The following ACSL3 variants were observed in gnomAD, a reference collection of about 807,000 sequenced individuals.
ACSL3 encodes the protein acyl-CoA synthetase long chain family member 3.
ACSL3 carries 34 observed loss-of-function variants against 84.7 expected under a neutral mutation model. That is an observed-to-expected ratio of 0.40 (90% CI 0.31 to 0.53). The LOEUF (loss-of-function observed/expected upper bound fraction) is 0.53, where lower values mean the gene tolerates loss of function less well. ACSL3 is among the 20% of genes least tolerant of loss of function. The pLI is 0.48. For missense variants in ACSL3, 680 were observed against 873.1 expected (o/e 0.78, Z 2.79); for synonymous variants, 315 against 299.4 (o/e 1.05, Z -0.54).
Position 222,930,640 on chromosome 2 carries a change from T to A in ACSL3, c.1560T>A (p.Asp520Glu). 1.2e-6 allele frequency: 2 copies of A among 1,612,982 alleles called. No individual in the cohort carries two copies. Among genetic ancestry groups the A allele is most frequent in the Non-Finnish European group, 1.7e-6 (2 of 1,179,460 alleles). Reference sequence around the variant, plus strand: ...TATTAGGTGGATACTTTAATACTGATAAGCCACACCCCAGGGGTGAAATTC... The same window carrying A: ...TATTAGGTGGATACTTTAATACTGAAAAGCCACACCCCAGGGGTGAAATTC... The part of the protein sequence containing the change: ...NWEEGGYFNT[D>E]KPHPRGEILI... Residue 520 changes from aspartate to glutamate, a missense_variant, in exon 14 of 17, where the codon GAT (aspartate) becomes GAA (glutamate). Transcript: ENST00000357430.
intron 1 of ACSL3, among the ~76,000 whole-genome samples, chr2:222,885,650 TCCC>T (rs1156324275): frequency 2.0e-5 from 3 of 152,068 alleles, no homozygotes. Flanking sequence ...CTAAGTTATT[TCCC>T]CCCTGGATGA....
intron 7 of ACSL3, 75 bp from the exon 8 acceptor site, chr2:222,921,205 T>A: frequency 6.8e-7 from 1 of 1,471,108 alleles, no homozygotes; most frequent in South Asian, 1.2e-5. Context: ...ATTTATTTGA[T>A]GATAATGAAA....
chr2:222,886,255 T>G (rs1695719762), intron 1 of ACSL3, among the ~76,000 whole-genome samples: 1 of 152,026 alleles, frequency 6.6e-6, no homozygotes, highest in Non-Finnish European at 1.5e-5. Flanking sequence ...GGCCCAAGTG[T>G]ATGATGTTCC....
At chr2:222,902,463 A>T (rs1167845862) in intron 3 of ACSL3, among the ~76,000 whole-genome samples, 1 of 152,202 alleles carries the variant, frequency 6.6e-6, no homozygotes, top group Non-Finnish European at 1.5e-5. Context: ...CATACCATTC[A>T]CACCATTACC....
intron 16 of ACSL3, among the ~76,000 whole-genome samples, chr2:222,938,224 G>A (rs1223608259): frequency 6.6e-6 from 1 of 152,012 alleles, no homozygotes; most frequent in South Asian, 2.1e-4. Context: ...TCAGAATTCT[G>A]TATTTGCCTA....
At chr2:222,893,488 A>G (rs1240417941) in intron 2 of ACSL3, among the ~76,000 whole-genome samples, 1 of 152,028 alleles carries the variant, frequency 6.6e-6, no homozygotes, top group African/African-American at 2.4e-5. Context: ...CAGGTCTGCC[A>G]ATTTTGGGTT....
At chr2:222,919,292 C>A in intron 7 of ACSL3, 90 bp downstream of exon 7, 1 of 1,464,212 alleles carries the variant, frequency 6.8e-7, no homozygotes, top group South Asian at 1.3e-5. Context: ...GAGGTTAGCT[C>A]AAATGACACA....
intron 13 of ACSL3, 139 bp from the exon 14 acceptor site, chr2:222,930,482 G>A (rs1696999320): frequency 3.3e-6 from 2 of 607,626 alleles, no homozygotes; most frequent in South Asian, 8.6e-5. Context: ...GATAAACTTT[G>A]TTCATTCATA....
rs774055604 is a variant in ACSL3, at chr2:222,941,654, A to AT, written c.*2dup. On this transcript the variant is annotated 3_prime_UTR_variant, in exon 17 of 17. Transcript: ENST00000357430. ...TTGAGCGAATGTATGGAAGAAAATA[A>AT]TTATTCTCTTCTGGCATCAGTTTGC... 6.2e-7 allele frequency: 1 copy of AT among 1,610,716 alleles called. No homozygotes were observed. The highest frequency in any genetic ancestry group is 1.1e-5 in the South Asian group (1 of 90,668).
At position 222,934,577 on chromosome 2, in the gene ACSL3, T is replaced by C; in HGVS notation, c.1895T>C (p.Leu632Pro). 1 of 1,596,274 alleles carries C rather than the reference T, an allele frequency of 6.3e-7. No homozygotes were observed. The highest frequency in any genetic ancestry group is 8.5e-7 in the Non-Finnish European group (1 of 1,171,440). Residue 632 changes from leucine (L) to proline (P), a missense_variant, in exon 16 of 17, where the codon CTA becomes CCA. Around this residue, in one of 2 missense-constraint regions of ACSL3, gnomAD observed 347 missense variants for 525.7 expected, o/e 0.66. Transcript: ENST00000357430. ...IGFVVPNQKE[L>P]TELARKKGLK... ...TTTGTTGTGCCAAATCAAAAGGAAC[T>C]AACTGAACTAGCTCGAAAGAAAGGA...
intron 2 of ACSL3, among the ~76,000 whole-genome samples, chr2:222,891,988 CT>C (rs1184003124): frequency 1.3e-5 from 2 of 152,118 alleles, no homozygotes; most frequent in Admixed American, 6.5e-5. Flanking sequence ...TGTCCAGAAT[CT>C]TTTCGACAAT....
At chr2:222,884,877 A>T (rs952842767) in intron 1 of ACSL3, among the ~76,000 whole-genome samples, 8 of 152,354 alleles carry the variant, frequency 5.3e-5, no homozygotes, top group Middle Eastern at 3.4e-3. Flanking sequence ...GAACAAAAAT[A>T]CATGCATCAA....
intron 1 of ACSL3, among the ~76,000 whole-genome samples, chr2:222,885,969 C>T (rs1695712019): frequency 6.6e-6 from 1 of 152,090 alleles, no homozygotes; most frequent in Non-Finnish European, 1.5e-5. Flanking sequence ...TCTTGAACTC[C>T]TGACCTCAGG....
intron 14 of ACSL3, among the ~76,000 whole-genome samples, chr2:222,931,547 T>C (rs1264932267): frequency 6.6e-6 from 1 of 152,160 alleles, no homozygotes; most frequent in Non-Finnish European, 1.5e-5. Flanking sequence ...TTATGAGCTA[T>C]GTCTCAAAAT....
intron 12 of ACSL3, among the ~76,000 whole-genome samples, chr2:222,928,360 G>A (rs1370070603): frequency 2.6e-5 from 4 of 152,142 alleles, no homozygotes; most frequent in Non-Finnish European, 4.4e-5. Context: ...ACTGCACATC[G>A]GTGAGGCCTA....
intron 3 of ACSL3, among the ~76,000 whole-genome samples, chr2:222,903,164 G>C (rs1320805997): frequency 6.6e-6 from 1 of 152,028 alleles, no homozygotes; most frequent in Non-Finnish European, 1.5e-5. Flanking sequence ...TTGAGATGAG[G>C]TCTGGCTTCG....
intron 3 of ACSL3, among the ~76,000 whole-genome samples, chr2:222,902,911 T>G (rs1285126213): frequency 6.6e-6 from 1 of 152,218 alleles, no homozygotes. Context: ...GGACCAGCAG[T>G]CCAGTCTTTC....
chr2:222,918,896 CA>C (rs1005529884), intron 6 of ACSL3, among the ~76,000 whole-genome samples, 167 bp from the exon 7 acceptor site: 12 of 152,000 alleles, frequency 7.9e-5, no homozygotes, highest in African/African-American at 2.9e-4. Flanking sequence ...AAATTCAGAC[CA>C]ATACTTAATC....
chr2:222,928,387 G>A (rs1696937091), intron 12 of ACSL3, among the ~76,000 whole-genome samples: 1 of 152,190 alleles, frequency 6.6e-6, no homozygotes, highest in Non-Finnish European at 1.5e-5. Context: ...AAGTAGAATA[G>A]ACGTAAACCA....
Sources: gnomAD v4.1 joint callset for allele counts (sites outside exome capture counted in the v4.1 genomes callset) on GRCh38, gnomAD v4.1.1 for gene constraint, gnomAD v4.1.1 regional missense constraint, MANE v1.5 for transcripts, NCBI Gene and HGNC (gene_info 2026-07-23, HGNC 2026-07-21) for gene names.